SPSB4: variants seen among roughly 807,000 people sequenced by gnomAD.
SPSB4 encodes splA/ryanodine receptor domain and SOCS box containing 4, also known as SPRY domain-containing SOCS box protein 4.
SPSB4 carries 21 observed loss-of-function variants against 20.9 expected under a neutral mutation model. That is an observed-to-expected ratio of 1.01 (90% CI 0.71 to 1.45). The LOEUF (loss-of-function observed/expected upper bound fraction) is 1.45. Among genes scored for constraint, SPSB4 ranks in the 40% most tolerant of loss-of-function variants. The pLI, the probability that SPSB4 is intolerant of heterozygous loss-of-function variation, is 0.00. For synonymous variants in SPSB4, 207 were observed against 183.8 expected (o/e 1.13, Z -1.02); for missense variants, 399 against 399.2 (o/e 1.00, Z 0.00).
chr3:141,103,609 G>A (rs779802587), intron 2 of SPSB4, among the ~76,000 whole-genome samples: 2 of 152,066 alleles, frequency 1.3e-5, no homozygotes, highest in Non-Finnish European at 1.5e-5. Context: ...CATTCCCTCC[G>A]CACAACAAAC....
At chr3:141,090,696 C>T (rs1288714558) in intron 2 of SPSB4, among the ~76,000 whole-genome samples, 2 of 152,126 alleles carry the variant, frequency 1.3e-5, no homozygotes. Flanking sequence ...TGATGTTTGG[C>T]TTTTTCTCTG....
chr3:141,140,044 T>G (rs573668106), intron 2 of SPSB4, among the ~76,000 whole-genome samples: 1 of 152,330 alleles, frequency 6.6e-6, no homozygotes, highest in South Asian at 2.1e-4. Context: ...TTTTTATTCT[T>G]TTTTCTCTAA....
At chr3:141,071,699 G>A (rs1454935083) in intron 2 of SPSB4, among the ~76,000 whole-genome samples, 1 of 152,114 alleles carries the variant, frequency 6.6e-6, no homozygotes, top group Non-Finnish European at 1.5e-5. Context: ...CCCACAGAAC[G>A]GGCGCCAGTG....
At chr3:141,099,909 C>T in intron 2 of SPSB4, among the ~76,000 whole-genome samples, 1 of 152,178 alleles carries the variant, frequency 6.6e-6, no homozygotes, top group East Asian at 1.9e-4. Context: ...ACCATGCAAC[C>T]ATCAGACACA....
At chr3:141,112,272 T>C (rs1444035091) in intron 2 of SPSB4, among the ~76,000 whole-genome samples, 1 of 152,226 alleles carries the variant, frequency 6.6e-6, no homozygotes, top group Non-Finnish European at 1.5e-5. Flanking sequence ...CCTGGTACAG[T>C]AGACACACTA....
At chr3:141,136,433 G>T (rs1201714692) in intron 2 of SPSB4, among the ~76,000 whole-genome samples, 6 of 152,102 alleles carry the variant, frequency 3.9e-5, no homozygotes, top group Non-Finnish European at 8.8e-5. Context: ...GTCCTGAATG[G>T]TATTGCCTAG....
chr3:141,059,185 T>G (rs904630254), intron 1 of SPSB4, among the ~76,000 whole-genome samples: 2 of 152,174 alleles, frequency 1.3e-5, no homozygotes, highest in Non-Finnish European at 2.9e-5. Flanking sequence ...GGAGGCCTAC[T>G]GGATCAGGGC....
intron 1 of SPSB4, among the ~76,000 whole-genome samples, chr3:141,062,584 G>A (rs1301945763): frequency 1.3e-5 from 2 of 152,034 alleles, no homozygotes. Context: ...AATGCTTTTT[G>A]TTATTGTTGT....
chr3:141,111,177 A>T (rs1300703729), intron 2 of SPSB4, among the ~76,000 whole-genome samples: 1 of 152,062 alleles, frequency 6.6e-6, no homozygotes, highest in Admixed American at 6.5e-5. Flanking sequence ...GGGCAAACTC[A>T]TTTGGCAGCC....
At chr3:141,090,262 G>T (rs62283586) in intron 2 of SPSB4, among the ~76,000 whole-genome samples, 15,496 of 152,170 alleles carry the variant, frequency 0.1, 867 homozygotes, top group Middle Eastern at 0.14. Context: ...ACTATTCCAG[G>T]CACTGAGGAC....
At chr3:141,094,683 A>C (rs1938516152) in intron 2 of SPSB4, among the ~76,000 whole-genome samples, 1 of 151,848 alleles carries the variant, frequency 6.6e-6, no homozygotes, top group Non-Finnish European at 1.5e-5. Context: ...ACGTTATTGC[A>C]CCCTGAGGAG....
intron 2 of SPSB4, among the ~76,000 whole-genome samples, chr3:141,071,563 G>A (rs1938004085): frequency 1.3e-5 from 2 of 152,052 alleles, no homozygotes; most frequent in Non-Finnish European, 2.9e-5. Context: ...AAACTGTCTT[G>A]GGAAGGTAAC....
intron 2 of SPSB4, among the ~76,000 whole-genome samples, chr3:141,136,367 T>C (rs1309054561): frequency 6.6e-6 from 1 of 152,090 alleles, no homozygotes; most frequent in African/African-American, 2.4e-5. Context: ...GTCAATTTTG[T>C]CTTTTGTTGC....
intron 2 of SPSB4, among the ~76,000 whole-genome samples, chr3:141,078,984 G>A (rs182522471): frequency 1.4e-4 from 21 of 152,218 alleles, no homozygotes; most frequent in African/African-American, 3.9e-4. Context: ...ATTTGGGGCC[G>A]GGCACGGTGG....
intron 2 of SPSB4, among the ~76,000 whole-genome samples, chr3:141,138,481 A>G (rs961012170): frequency 7.2e-5 from 11 of 151,938 alleles, no homozygotes; most frequent in African/African-American, 2.4e-4. Flanking sequence ...TAGTGCTATA[A>G]GTTTCCCTCT....
intron 2 of SPSB4, among the ~76,000 whole-genome samples, chr3:141,113,295 A>C (rs1209978006): frequency 6.6e-6 from 1 of 152,222 alleles, no homozygotes; most frequent in Non-Finnish European, 1.5e-5. Flanking sequence ...GTATATACAG[A>C]AGAGGAATGA....
At chr3:141,056,119 G>A (rs1392176196) in intron 1 of SPSB4, among the ~76,000 whole-genome samples, 1 of 152,178 alleles carries the variant, frequency 6.6e-6, no homozygotes, top group African/African-American at 2.4e-5. Context: ...GAAAGCTGCT[G>A]TGGTAAGCTC....
intron 2 of SPSB4, among the ~76,000 whole-genome samples, chr3:141,134,057 T>TTTTTTTTTTTTTTTTTTTC (rs1939186010): frequency 1.6e-5 from 1 of 64,088 alleles, no homozygotes; most frequent in Non-Finnish European, 2.9e-5. Flanking sequence ...TTCTTTTTTC[T>TTTTTTTTTTTTTTTTTTTC]TTTTTTTTTT....
intron 2 of SPSB4, among the ~76,000 whole-genome samples, chr3:141,122,915 C>T (rs560622158): frequency 1.3e-5 from 2 of 152,316 alleles, no homozygotes; most frequent in South Asian, 4.1e-4. Flanking sequence ...GGCGACGCCC[C>T]GTCCTGCTTC....
Sources: gnomAD v4.1 joint callset for allele counts (sites outside exome capture counted in the v4.1 genomes callset) on GRCh38, gnomAD v4.1.1 for gene constraint, MANE v1.5 for transcripts, NCBI Gene and HGNC (gene_info 2026-07-23, HGNC 2026-07-21) for gene names.